Variants in CACNA1G observed in about 807,000 individuals in gnomAD.
CACNA1G encodes the protein calcium voltage-gated channel subunit alpha1 G.
A neutral mutation model predicts 219.4 loss-of-function variants in CACNA1G; 67 were observed. The observed-to-expected ratio is 0.31, with a 90% confidence interval of 0.25 to 0.37. The LOEUF is 0.37. CACNA1G is among the 10% of genes least tolerant of loss of function. CACNA1G has a pLI of 1.00. For synonymous variants in CACNA1G, 1,296 were observed against 1,345.3 expected (o/e 0.96, Z 0.80); for missense variants, 2,380 against 3,231.4 (o/e 0.74, Z 6.39).
rs573645323 is a variant in CACNA1G at position 50,575,947 on chromosome 17, C to G, written c.1545C>G (p.Pro515=). 1.3e-6 allele frequency: 2 copies of G among 1,551,742 alleles called. No homozygotes were observed. The highest frequency in any genetic ancestry group is 2.4e-5 in the South Asian group (2 of 84,128). The change falls in exon 8 of 38, where the codon CCC becomes CCG. Residue 515 remains proline (P), a synonymous_variant. Coordinates refer to ENST00000359106, the MANE Select transcript of CACNA1G (RefSeq NM_018896.5). The part of the protein sequence containing the change: ...YHLGNGTLRA[P]RASPEIQDRD... ...TGGGCAATGGGACGCTCAGGGCCCC[C>G]CGGGCCAGCCCGGAGATCCAGGACA...
At chr17:50,607,394 G>A (rs1243991566) in intron 24 of CACNA1G, 2 of 353,938 alleles carry the variant, frequency 5.7e-6, no homozygotes, top group Non-Finnish European at 1.1e-5. Flanking sequence ...AGTCCCAGCT[G>A]AGGTGGGAGG....
chr17:50,565,700 A>G (rs550404247), intron 1 of CACNA1G, among the ~76,000 whole-genome samples: 1 of 151,154 alleles, frequency 6.6e-6, no homozygotes, highest in South Asian at 2.1e-4. Context: ...TGTCCCAGCC[A>G]CCCCCCTCCT....
chr17:50,585,820 C>T (rs377430952), intron 9 of CACNA1G, among the ~76,000 whole-genome samples: 61 of 152,328 alleles, frequency 4.0e-4, no homozygotes, highest in African/African-American at 1.4e-3. Flanking sequence ...CTCACTGCCT[C>T]ACTGCAGCCT....
chr17:50,586,542 T>G (rs1279339957), intron 9 of CACNA1G, among the ~76,000 whole-genome samples: 3 of 152,192 alleles, frequency 2.0e-5, no homozygotes, highest in Non-Finnish European at 4.4e-5. Context: ...GTGTGGTGTT[T>G]AGTTGCAGCC....
At chr17:50,597,154 T>G (rs936625106) in intron 16 of CACNA1G, among the ~76,000 whole-genome samples, 13 of 152,136 alleles carry the variant, frequency 8.5e-5, no homozygotes, top group Admixed American at 7.9e-4. Context: ...TTCTGTACCC[T>G]AGCTGAGTGA....
chr17:50,609,773 C>A, intron 25 of CACNA1G, 109 bp from the exon 26 acceptor site: 1 of 916,382 alleles, frequency 1.1e-6, no homozygotes, highest in Non-Finnish European at 1.7e-6. Flanking sequence ...CTCAGCGCAC[C>A]CCACCCATAG....
At chr17:50,607,787 C>G (rs763668447) in intron 24 of CACNA1G, 40 bp from the exon 25 acceptor site, 10 of 1,585,962 alleles carry the variant, frequency 6.3e-6, no homozygotes, top group Non-Finnish European at 8.6e-6. Flanking sequence ...AGCTTGCCCT[C>G]GGGCTGATGC....
At position 50,626,667 on chromosome 17, in the gene CACNA1G, C is replaced by G. The variant is rs199695347; in HGVS notation, c.7050C>G (p.Asp2350Glu). 146 of 1,613,196 alleles carry G rather than the reference C, an allele frequency of 9.1e-5. No homozygotes were observed. Among genetic ancestry groups the G allele is most frequent in the Non-Finnish European group, 1.2e-4 (142 of 1,179,846 alleles). ...SKDPLASGPP[D>E]SMAASPSPKK... ...ATCCCTTGGCCTCTGGCCCCCCTGA[C>G]AGCATGGCTGCCTCGCCCTCCCCAA... is the stretch of plus-strand genomic sequence containing the variant. Residue 2350 changes from aspartate (D) to glutamate (E), a missense_variant, in exon 38 of 38, where the codon GAC (aspartate) becomes GAG (glutamate). Asp to Glu is a conservative substitution (Grantham distance 45). Coordinates refer to ENST00000359106, the MANE Select transcript of CACNA1G (RefSeq NM_018896.5). This position sits in a 1 kb window ranked among gnomAD's most constrained non-coding sequence, Gnocchi z 4.3.
chr17:50,576,384 CAGAG>C, intron 8 of CACNA1G, 58 bp downstream of exon 8: 1 of 1,504,584 alleles, frequency 6.6e-7, no homozygotes, highest in East Asian at 2.5e-5. Context: ...GGTGGCGTCC[CAGAG>C]GGGACTAGGG....
At chr17:50,598,191 C>T (rs529955527) in intron 16 of CACNA1G, among the ~76,000 whole-genome samples, 10 of 152,284 alleles carry the variant, frequency 6.6e-5, no homozygotes, top group African/African-American at 2.4e-4. Flanking sequence ...CCATGTCCGG[C>T]TAATTTTTTG....
Position 50,624,367 on chromosome 17 carries a change from C to A in CACNA1G, c.6237C>A (p.Val2079=), listed in dbSNP as rs754874688. 37 of 1,384,808 alleles carry A rather than the reference C, an allele frequency of 2.7e-5. No homozygotes were observed. The highest frequency in any genetic ancestry group is 3.4e-5 in the Non-Finnish European group (35 of 1,033,134). The allele number at this position is 1,384,808 out of a possible 1,614,324, so 85.8% of individuals were successfully genotyped here. A position where few individuals can be genotyped will look rare whatever the true frequency, so the allele number is the denominator to read the frequency against. Residue 2079 remains valine, a synonymous_variant, in exon 37 of 38, where the codon GTC becomes GTA. Transcript: ENST00000359106. ...WGLPKAQSGS[V]LSVHSQPADT... ...GCTTCCCTCCCTCCACAGGCTCCGT[C>A]TTGTCCGTTCACTCCCAGCCAGCAG...
At chr17:50,565,804 T>G (rs2037659669) in intron 1 of CACNA1G, among the ~76,000 whole-genome samples, 1 of 152,154 alleles carries the variant, frequency 6.6e-6, no homozygotes, top group South Asian at 2.1e-4. Context: ...GGAGATAACA[T>G]GCTCTAGTTC....
intron 8 of CACNA1G, 107 bp downstream of exon 8, chr17:50,576,433 C>T (rs1598163587): frequency 2.7e-6 from 3 of 1,104,056 alleles, no homozygotes; most frequent in Admixed American, 2.1e-5. Context: ...CTTATATTCT[C>T]ATGCTGCCTC....
At position 50,600,107 on chromosome 17, in the gene CACNA1G, A is replaced by T. The variant is rs2046325542; in HGVS notation, c.3690+248A>T. On this transcript the variant is annotated intron_variant, in intron 17 of 37. Coordinates refer to ENST00000359106, the MANE Select transcript of CACNA1G (RefSeq NM_018896.5). The surrounding 1 kb of genome is among the most constrained non-coding windows in gnomAD (Gnocchi z 4.1). ...GGTGGATATGAATGATTTTGGACAG[A>T]TGTGTATGAATCTTTCATGGCCCTC... 6.6e-6 allele frequency among the ~76,000 whole-genome samples: 1 copy of T among 152,138 alleles called. No homozygotes were observed.
rs1567925518 is a variant in CACNA1G, at chr17:50,561,398, C to T, written c.-62C>T. 7.8e-6 allele frequency: 12 copies of T among 1,531,838 alleles called. No homozygotes were observed. Among genetic ancestry groups the T allele is most frequent in the Non-Finnish European group, 1.0e-5 (12 of 1,145,524 alleles). The allele number at this position is 1,531,838 out of a possible 1,614,324, so 94.9% of individuals were successfully genotyped here. ...GGGGCCCCCGGGTTGCGTGAGGACA[C>T]CTCCTCTGAGGGGCGCCGCTTGCCC... On this transcript the variant is annotated 5_prime_UTR_variant, in exon 1 of 38. Coordinates refer to ENST00000359106, the MANE Select transcript of CACNA1G (RefSeq NM_018896.5).
At chr17:50,579,435 C>T (rs530989116) in intron 9 of CACNA1G, among the ~76,000 whole-genome samples, 70 of 152,226 alleles carry the variant, frequency 4.6e-4, no homozygotes, top group Non-Finnish European at 8.4e-4. Flanking sequence ...TGAAGATGCC[C>T]GCTTGTTGGG....
In CACNA1G at chr17:50,609,936, G is replaced by A. The variant is rs1164917911; in HGVS notation, c.4759+1G>A. 6.2e-7 allele frequency: 1 copy of A among 1,610,110 alleles called. No individual in the cohort carries two copies. Among genetic ancestry groups the A allele is most frequent in the Admixed American group, 1.7e-5 (1 of 60,024 alleles). On this transcript the variant is annotated splice_donor_variant, in intron 26 of 37. Coordinates refer to ENST00000359106, the MANE Select transcript of CACNA1G (RefSeq NM_018896.5). LOFTEE classifies it high-confidence loss of function. Reference sequence around the variant, plus strand: ...GGCAGCTCAGCCAGCGCTGCGTCAGGTACTGCGTCTGGGGTGTGGGCTCAT... The same window carrying A: ...GGCAGCTCAGCCAGCGCTGCGTCAGATACTGCGTCTGGGGTGTGGGCTCAT...
intron 9 of CACNA1G, among the ~76,000 whole-genome samples, chr17:50,581,124 C>T (rs1402777730): frequency 3.3e-5 from 5 of 151,348 alleles, no homozygotes; most frequent in African/African-American, 4.9e-5. Flanking sequence ...GGAAGAGAGA[C>T]GCGCAGGCAG....
In CACNA1G at chr17:50,600,158, ACT is replaced by A. The variant is rs1226109626; in HGVS notation, c.3690+301_3690+302del. Among the ~76,000 whole-genome samples, 3 of 151,808 alleles carry A rather than the reference ACT, an allele frequency of 2.0e-5. No individual in the cohort carries two copies. Among genetic ancestry groups the A allele is most frequent in the Non-Finnish European group, 4.4e-5 (3 of 67,954 alleles). The stretch of plus-strand genomic sequence containing the variant: ...CCCCTGTGACTCAGAAAGACCCATC[ACT>A]CATCTCTCCAAACTGATGCCCCGCA... On this transcript the variant is annotated intron_variant, in intron 17 of 37. Coordinates refer to ENST00000359106, the MANE Select transcript of CACNA1G (RefSeq NM_018896.5). This position sits in a 1 kb window ranked among gnomAD's most constrained non-coding sequence, Gnocchi z 4.1.
Sources: gnomAD v4.1 joint callset for allele counts (sites outside exome capture counted in the v4.1 genomes callset) on GRCh38, gnomAD v4.1.1 for gene constraint, Gnocchi (gnomAD v3.1) non-coding constraint, MANE v1.5 for transcripts, NCBI Gene and HGNC (gene_info 2026-07-23, HGNC 2026-07-21) for gene names.